SNCAIP: variants seen among roughly 807,000 people sequenced by gnomAD.
The protein encoded by SNCAIP is synphilin-1.
In SNCAIP, 43 loss-of-function variants were observed where a neutral mutation model predicts 86.7. That is an observed-to-expected ratio of 0.50 (90% CI 0.39 to 0.64). SNCAIP has a LOEUF of 0.64. Ranked by LOEUF, SNCAIP falls within the 30% of genes least tolerant of loss-of-function variation. SNCAIP has a pLI of 0.00. For missense variants in SNCAIP, 981 were observed against 1,103.1 expected (o/e 0.89, Z 1.57); for synonymous variants, 417 against 427.2 (o/e 0.98, Z 0.29).
chr5:122,424,367 A>G (rs190201914), intron 4 of SNCAIP, among the ~76,000 whole-genome samples: 7 of 152,304 alleles, frequency 4.6e-5, no homozygotes, highest in Non-Finnish European at 1.0e-4. Context: ...GCTTAGAGAG[A>G]GCTAAACTTA....
chr5:122,320,330 C>T (rs945659041), intron 1 of SNCAIP, among the ~76,000 whole-genome samples: 1 of 152,168 alleles, frequency 6.6e-6, no homozygotes, highest in South Asian at 2.1e-4. Flanking sequence ...AAAATGACTG[C>T]AAATTCTCCA....
intron 1 of SNCAIP, among the ~76,000 whole-genome samples, chr5:122,377,686 C>G (rs1343366717): frequency 1.7e-5 from 2 of 117,416 alleles, no homozygotes; most frequent in African/African-American, 6.4e-5. Context: ...CTATCCCTCC[C>G]CCCTCCCCCC....
Position 122,392,824 on chromosome 5 carries a change from A to T in SNCAIP, c.57+1633A>T, listed in dbSNP as rs565653432. ...GGCACACAGTAAGTTGCTCTTAAAA[A>T]TGGTAGCTTTTGTTATTATTTCACT... On this transcript the variant is annotated intron_variant, in intron 2 of 10. Coordinates refer to ENST00000261368, the MANE Select transcript of SNCAIP (RefSeq NM_005460.4). Among the ~76,000 whole-genome samples the T allele has an allele frequency of 1.2e-3, 180 of 152,344 alleles. 1 individual carries two copies. Among genetic ancestry groups the T allele is most frequent in the Non-Finnish European group, 2.3e-3 (155 of 68,030 alleles).
intron 10 of SNCAIP, 43 bp from the exon 11 acceptor site, chr5:122,463,448 A>G (rs962651961): frequency 8.7e-7 from 1 of 1,149,548 alleles, no homozygotes; most frequent in Non-Finnish European, 1.3e-6. Context: ...TAACTTGACC[A>G]TAGTTTTATC....
intron 8 of SNCAIP, among the ~76,000 whole-genome samples, chr5:122,449,403 T>A (rs914015271): frequency 6.6e-6 from 1 of 152,172 alleles, no homozygotes; most frequent in African/African-American, 2.4e-5. Context: ...CTGCAAATAG[T>A]ATTTTGTAGT....
At chr5:122,444,129 G>A (rs1381562080) in intron 7 of SNCAIP, 4 of 457,926 alleles carry the variant, frequency 8.7e-6, no homozygotes, top group African/African-American at 8.0e-5. Flanking sequence ...CAAATAAACA[G>A]GTGTTATTTC....
chr5:122,400,841 G>A, intron 2 of SNCAIP: 2 of 815,320 alleles, frequency 2.5e-6, no homozygotes, highest in Non-Finnish European at 3.6e-6. Context: ...TGGAAAAGAA[G>A]TCTGGAAAAC....
intron 1 of SNCAIP, among the ~76,000 whole-genome samples, chr5:122,364,709 T>C (rs1024685870): frequency 5.3e-5 from 8 of 152,236 alleles, no homozygotes; most frequent in Non-Finnish European, 8.8e-5. Context: ...TAAAAATTTT[T>C]TTTTCATTAA....
chr5:122,403,996 C>T, intron 3 of SNCAIP, 131 bp downstream of exon 3: 1 of 714,700 alleles, frequency 1.4e-6, no homozygotes, highest in Non-Finnish European at 2.5e-6. Context: ...CCACTCACAC[C>T]ACCCCCCACC....
At chr5:122,388,290 G>A (rs1438007783) in intron 1 of SNCAIP, among the ~76,000 whole-genome samples, 4 of 151,796 alleles carry the variant, frequency 2.6e-5, no homozygotes, top group Non-Finnish European at 5.9e-5. Context: ...TAACACTGTT[G>A]GGGTCAAACA....
rs144384727 is a variant in SNCAIP, at chr5:122,423,345, A to T, written c.608A>T (p.Asn203Ile). Residue 203 changes from asparagine to isoleucine, a missense_variant, in exon 4 of 11, where the codon AAC (asparagine) becomes ATC (isoleucine). Asn to Ile is a moderately radical substitution (Grantham distance 149). Coordinates refer to ENST00000261368, the MANE Select transcript of SNCAIP (RefSeq NM_005460.4). ...GGAAGTTCTGAGAGCTCATCATCCA[A>T]CATGGCACCATTTTGTGTTCTTTCT... is the stretch of plus-strand genomic sequence containing the variant. ...STGSSESSSSNMAPFCVLSPV... is the reference protein window; with the variant it reads ...STGSSESSSSIMAPFCVLSPV... 66 of 1,613,878 alleles carry T rather than the reference A, an allele frequency of 4.1e-5. No individual in the cohort carries two copies. The highest frequency in any genetic ancestry group is 3.7e-4 in the Admixed American group (22 of 59,966).
At chr5:122,437,299 C>T (rs1373599936) in intron 6 of SNCAIP, 1 of 152,148 alleles carries the variant, frequency 6.6e-6, no homozygotes, top group African/African-American at 2.4e-5. Context: ...AACTGTGCAT[C>T]TCCACAGGCA....
chr5:122,381,777 A>G (rs1766882745), intron 1 of SNCAIP, among the ~76,000 whole-genome samples: 1 of 151,964 alleles, frequency 6.6e-6, no homozygotes, highest in Non-Finnish European at 1.5e-5. Context: ...TCTGTAAAGT[A>G]TTTTATTTCT....
intron 4 of SNCAIP, 55 bp from the exon 5 acceptor site, chr5:122,425,297 C>A: frequency 7.2e-7 from 1 of 1,391,566 alleles, no homozygotes; most frequent in Non-Finnish European, 1.0e-6. Flanking sequence ...AAAACTCCTA[C>A]AGGGTCTTGC....
At chr5:122,382,560 A>G (rs1353724507) in intron 1 of SNCAIP, among the ~76,000 whole-genome samples, 1 of 152,194 alleles carries the variant, frequency 6.6e-6, no homozygotes. Flanking sequence ...GTCATTCTCC[A>G]TCCAGCTTTG....
intron 1 of SNCAIP, among the ~76,000 whole-genome samples, chr5:122,345,099 CCA>C (rs1388680273): frequency 6.6e-6 from 1 of 152,182 alleles, no homozygotes; most frequent in Non-Finnish European, 1.5e-5. Flanking sequence ...CGTGTACTGA[CCA>C]CCACTGAAAT....
chr5:122,403,758 A>C, intron 2 of SNCAIP, 35 bp from the exon 3 acceptor site: 1 of 1,548,686 alleles, frequency 6.5e-7, no homozygotes, highest in Non-Finnish European at 8.9e-7. Flanking sequence ...ATTTTAAATT[A>C]TTTTATGCCC....
chr5:122,420,959 C>T (rs1776256448), intron 3 of SNCAIP, among the ~76,000 whole-genome samples: 2 of 152,180 alleles, frequency 1.3e-5, no homozygotes, highest in South Asian at 4.1e-4. Context: ...CTGTAAATCC[C>T]TCAGAAGGAT....
At chr5:122,439,269 G>T (rs1304055674) in intron 6 of SNCAIP, among the ~76,000 whole-genome samples, 1 of 152,150 alleles carries the variant, frequency 6.6e-6, no homozygotes, top group African/African-American at 2.4e-5. Flanking sequence ...TCCAGGCTCT[G>T]CTTCTACCTC....
Sources: allele counts gnomAD v4.1 joint callset (sites outside exome capture counted in the v4.1 genomes callset), GRCh38; gene constraint gnomAD v4.1.1; transcripts MANE v1.5; gene names NCBI Gene and HGNC (gene_info 2026-07-23, HGNC 2026-07-21).